ZFAND3: variants seen among roughly 807,000 people sequenced by gnomAD.
ZFAND3 encodes AN1-type zinc finger protein 3.
In ZFAND3, 10 loss-of-function variants were observed where a neutral mutation model predicts 29.6. The ratio of observed to expected loss-of-function variants is 0.34; its 90% CI spans 0.21 to 0.57. The LOEUF (loss-of-function observed/expected upper bound fraction) is 0.57. ZFAND3 is among the 20% of genes least tolerant of loss of function. ZFAND3 has a pLI of 0.86. For missense variants in ZFAND3, 230 were observed against 304.5 expected (o/e 0.76, Z 1.82); for synonymous variants, 128 against 112.6 (o/e 1.14, Z -0.87).
chr6:37,839,260 A>C (rs1764025882), intron 1 of ZFAND3, among the ~76,000 whole-genome samples: 1 of 151,374 alleles, frequency 6.6e-6, no homozygotes, highest in African/African-American at 2.4e-5. Context: ...AGCTCACTGC[A>C]ACCTCCGCCT....
intron 1 of ZFAND3, 108 bp from the exon 2 acceptor site, chr6:37,929,851 T>A (rs1439437850): frequency 3.9e-6 from 4 of 1,037,408 alleles, no homozygotes; most frequent in African/African-American, 1.6e-5. Context: ...TTAGTTCAGT[T>A]GCCTGACCAG....
intron 2 of ZFAND3, among the ~76,000 whole-genome samples, chr6:38,036,769 A>T (rs1204554826): frequency 6.6e-6 from 1 of 152,118 alleles, no homozygotes; most frequent in African/African-American, 2.4e-5. Context: ...TTTTTATTAA[A>T]AATCTTTTTC....
chr6:38,139,523 T>C (rs1765906373), intron 5 of ZFAND3, among the ~76,000 whole-genome samples: 3 of 152,172 alleles, frequency 2.0e-5, no homozygotes, highest in Admixed American at 6.5e-5. Flanking sequence ...TCATTGAAGC[T>C]AAGGCCTGAG....
intron 2 of ZFAND3, among the ~76,000 whole-genome samples, chr6:38,011,510 T>G (rs970804575): frequency 6.6e-6 from 1 of 152,170 alleles, no homozygotes; most frequent in Non-Finnish European, 1.5e-5. Context: ...TTCCACTGAG[T>G]GTGGAATGTA....
At chr6:38,113,099 G>T (rs192825695) in intron 4 of ZFAND3, among the ~76,000 whole-genome samples, 86 of 152,176 alleles carry the variant, frequency 5.7e-4, no homozygotes, top group Non-Finnish European at 8.1e-4. Flanking sequence ...AGGGTAAGTG[G>T]GCATATTCCA....
chr6:37,927,470 A>G (rs919391226), intron 1 of ZFAND3, among the ~76,000 whole-genome samples: 2 of 152,220 alleles, frequency 1.3e-5, no homozygotes, highest in Admixed American at 6.5e-5. Context: ...GGGAGGGGAC[A>G]ATCCCAATAT....
chr6:37,932,053 G>A (rs1385152878), intron 2 of ZFAND3, among the ~76,000 whole-genome samples: 1 of 152,102 alleles, frequency 6.6e-6, no homozygotes, highest in Non-Finnish European at 1.5e-5. Context: ...GGTGGACCAC[G>A]AGGTCTGGAG....
chr6:38,056,235 C>T (rs1330723419), intron 2 of ZFAND3, among the ~76,000 whole-genome samples: 1 of 152,014 alleles, frequency 6.6e-6, no homozygotes, highest in Non-Finnish European at 1.5e-5. Flanking sequence ...AATGAGACCA[C>T]GTACTCATTA....
At chr6:37,839,762 C>G (rs1443995929) in intron 1 of ZFAND3, among the ~76,000 whole-genome samples, 1 of 152,018 alleles carries the variant, frequency 6.6e-6, no homozygotes, top group African/African-American at 2.4e-5. Flanking sequence ...ATCCACCTGC[C>G]TCCGCCTCCC....
chr6:37,893,555 G>A (rs921152681), intron 1 of ZFAND3, among the ~76,000 whole-genome samples: 1 of 152,014 alleles, frequency 6.6e-6, no homozygotes, highest in African/African-American at 2.4e-5. Flanking sequence ...GTTTTTGTTT[G>A]TTTGTTTGTT....
At chr6:37,925,621 T>G (rs1017934192) in intron 1 of ZFAND3, among the ~76,000 whole-genome samples, 2 of 151,792 alleles carry the variant, frequency 1.3e-5, no homozygotes, top group African/African-American at 4.8e-5. Context: ...GGAGAATCGC[T>G]TGAACCCAGG....
chr6:38,127,335 G>A (rs1765653825), intron 5 of ZFAND3, among the ~76,000 whole-genome samples: 1 of 152,196 alleles, frequency 6.6e-6, no homozygotes, highest in Admixed American at 6.5e-5. Context: ...AGGCTACCAC[G>A]TAGCCTGTAA....
chr6:37,977,382 A>G (rs1393265798), intron 2 of ZFAND3, among the ~76,000 whole-genome samples: 2 of 152,036 alleles, frequency 1.3e-5, no homozygotes, highest in African/African-American at 4.8e-5. Flanking sequence ...GCTGACTGCA[A>G]CCTCTGCCTC....
At chr6:37,893,870 A>C (rs1368652945) in intron 1 of ZFAND3, among the ~76,000 whole-genome samples, 1 of 151,718 alleles carries the variant, frequency 6.6e-6, no homozygotes, top group African/African-American at 2.4e-5. Context: ...CTTTGTTTCT[A>C]TCTCTTCAAC....
intron 1 of ZFAND3, among the ~76,000 whole-genome samples, chr6:37,826,200 C>T (rs1025446582): frequency 4.6e-5 from 7 of 152,168 alleles, no homozygotes; most frequent in Non-Finnish European, 1.0e-4. Flanking sequence ...ACTTGTAATG[C>T]AGTACTTACA....
chr6:37,829,361 C>G (rs1763817769), intron 1 of ZFAND3, among the ~76,000 whole-genome samples: 1 of 152,074 alleles, frequency 6.6e-6, no homozygotes, highest in Non-Finnish European at 1.5e-5. Context: ...CATGGTAAAA[C>G]CCCATCTCTA....
rs1393975150 is a variant in ZFAND3 at position 37,929,953 on chromosome 6, C to T, written c.72-6C>T. On this transcript the variant is annotated splice_polypyrimidine_tract_variant and splice_region_variant and intron_variant, in intron 1 of 5. Transcript: ENST00000287218. ...TCTTTCTTTCTTTTCTTTTTGTTTG[C>T]CCCAGGTCCAGCAAGACTATGAATC... The T allele has an allele frequency of 1.0e-5, 16 of 1,590,734 alleles. No individual in the cohort carries two copies. Among genetic ancestry groups the T allele is most frequent in the Non-Finnish European group, 1.3e-5 (15 of 1,170,292 alleles).
chr6:37,982,787 C>T (rs1428129608), intron 2 of ZFAND3, among the ~76,000 whole-genome samples: 1 of 152,090 alleles, frequency 6.6e-6, no homozygotes, highest in African/African-American at 2.4e-5. Flanking sequence ...GCAACTCCTT[C>T]GGGAGGTATT....
chr6:38,108,759 A>T (rs1031723657), intron 4 of ZFAND3, among the ~76,000 whole-genome samples: 2 of 152,130 alleles, frequency 1.3e-5, no homozygotes, highest in African/African-American at 2.4e-5. Context: ...TGGCAGACAC[A>T]CCCAGACACA....
Sources: allele counts gnomAD v4.1 joint callset (sites outside exome capture counted in the v4.1 genomes callset), GRCh38; gene constraint gnomAD v4.1.1; transcripts MANE v1.5; gene names NCBI Gene and HGNC (gene_info 2026-07-23, HGNC 2026-07-21).